The following PCSK2 variants were observed in gnomAD, a reference collection of about 807,000 sequenced individuals.
PCSK2 encodes the protein proprotein convertase subtilisin/kexin type 2.
PCSK2 carries 14 observed loss-of-function variants against 69.7 expected under a neutral mutation model. That is an observed-to-expected ratio of 0.20 (90% CI 0.13 to 0.31). PCSK2 has a LOEUF of 0.31. Among genes scored for constraint, PCSK2 ranks in the 10% least tolerant of loss-of-function variants. The pLI is 1.00. For synonymous variants in PCSK2, 307 were observed against 320.7 expected, an observed-to-expected ratio of 0.96 and a Z score of 0.46; for missense variants, 544 against 842.5, an observed-to-expected ratio of 0.65 and a Z score of 4.39.
At chr20:17,407,851 A>G (rs887096053) in intron 5 of PCSK2, among the ~76,000 whole-genome samples, 1 of 152,122 alleles carries the variant, frequency 6.6e-6, no homozygotes, top group Admixed American at 6.5e-5. Context: ...CATGCTTAAG[A>G]CTCCAGGCAA....
intron 8 of PCSK2, among the ~76,000 whole-genome samples, chr20:17,448,893 CTTT>C (rs11468966): frequency 0.071 from 9,741 of 136,308 alleles, 402 homozygotes; most frequent in East Asian, 0.17. Context: ...ATGCACTTGC[CTTT>C]TTTTTTTTTT....
Position 17,481,672 on chromosome 20 carries a change from G to A in PCSK2, c.1519G>A (p.Val507Ile). Reference protein sequence around the residue: ...KENFVRYLEHVQAVITVNATR... With the variant: ...KENFVRYLEHIQAVITVNATR... ...AAATTTTGTCCGCTACCTGGAGCAT[G>A]TCCAGGCTGTCATCACGGTCAACGC... Residue 507 changes from valine (V) to isoleucine (I), a missense_variant, in exon 12 of 12, where the codon GTC (valine) becomes ATC (isoleucine). Coordinates refer to ENST00000262545, the MANE Select transcript of PCSK2 (RefSeq NM_002594.5). 4 of 1,614,156 alleles carry A rather than the reference G, an allele frequency of 2.5e-6. No homozygotes were observed. The highest frequency in any genetic ancestry group is 1.1e-5 in the South Asian group (1 of 91,086).
intron 5 of PCSK2, among the ~76,000 whole-genome samples, chr20:17,384,425 C>CA (rs11478291): frequency 0.047 from 4,999 of 106,446 alleles, 222 homozygotes; most frequent in African/African-American, 0.12. Context: ...CCATATCTAC[C>CA]AAAAAAAAAA....
chr20:17,273,731 C>T (rs1377145491), intron 2 of PCSK2, among the ~76,000 whole-genome samples: 3 of 152,166 alleles, frequency 2.0e-5, no homozygotes, highest in African/African-American at 7.2e-5. Context: ...GCTGCAGTAA[C>T]AAATTAACTT....
rs770632539 is a variant in PCSK2 at position 17,227,298 on chromosome 20, A to G, written c.-8A>G. Reference sequence around the variant, plus strand: ...CCTCCTAGCACCACTTTTCACTCCCAAAGAAGGATGAAGGGTGGTTGTGTC... The same window carrying G: ...CCTCCTAGCACCACTTTTCACTCCCGAAGAAGGATGAAGGGTGGTTGTGTC... On this transcript the variant is annotated 5_prime_UTR_variant, in exon 1 of 12. Coordinates refer to ENST00000262545, the MANE Select transcript of PCSK2 (RefSeq NM_002594.5). 3 of 1,612,798 alleles carry G rather than the reference A, an allele frequency of 1.9e-6. No individual in the cohort carries two copies. The highest frequency in any genetic ancestry group is 1.8e-4 in the Middle Eastern group (1 of 5,560).
Position 17,227,426 on chromosome 20 carries a change from G to C in PCSK2, c.121G>C (p.Gly41Arg). 6.2e-7 allele frequency: 1 copy of C among 1,613,992 alleles called. No homozygotes were observed. Among genetic ancestry groups the C allele is most frequent in the Non-Finnish European group, 8.5e-7 (1 of 1,179,918 alleles). ...TNHFLVELHK[G>R]GEDKARQVAA... is the part of the protein sequence containing the mutation. ...TCATTTTCTTGTGGAGTTGCATAAA[G>C]GGGGAGAGGACAAAGCTCGCCAAGT... Residue 41 changes from glycine to arginine, a missense_variant, in exon 1 of 12, where the codon GGG becomes CGG. This residue lies in a region of PCSK2 where 157 missense variants were observed against 155.0 expected (regional missense o/e 1.01). Transcript: ENST00000262545.
At chr20:17,379,599 G>A (rs977819944) in intron 5 of PCSK2, among the ~76,000 whole-genome samples, 3 of 152,204 alleles carry the variant, frequency 2.0e-5, no homozygotes, top group Non-Finnish European at 2.9e-5. Context: ...ACAAAGACTT[G>A]ATGGTAGGCA....
intron 5 of PCSK2, among the ~76,000 whole-genome samples, chr20:17,378,521 G>A (rs868098776): frequency 6.6e-6 from 1 of 152,132 alleles, no homozygotes; most frequent in Middle Eastern, 3.4e-3. Context: ...ATGAACCAGC[G>A]GCCTCATTCC....
chr20:17,351,163 T>G (rs2029973756), intron 2 of PCSK2, among the ~76,000 whole-genome samples: 1 of 152,088 alleles, frequency 6.6e-6, no homozygotes. Flanking sequence ...ATAGAGAGAC[T>G]AGAGGTGGGT....
chr20:17,418,744 G>T (rs960992187), intron 6 of PCSK2, among the ~76,000 whole-genome samples: 9 of 152,146 alleles, frequency 5.9e-5, no homozygotes, highest in African/African-American at 1.9e-4. Flanking sequence ...CATCCCACAG[G>T]TTCTTCAGGT....
intron 1 of PCSK2, among the ~76,000 whole-genome samples, chr20:17,244,767 A>G (rs1021128972): frequency 5.3e-5 from 8 of 152,200 alleles, no homozygotes; most frequent in African/African-American, 1.9e-4. Flanking sequence ...CACCCAAGGC[A>G]TCTGTGACTA....
chr20:17,325,448 T>C (rs368906095), intron 2 of PCSK2, among the ~76,000 whole-genome samples: 4 of 152,324 alleles, frequency 2.6e-5, no homozygotes, highest in East Asian at 1.9e-4. Context: ...AATAACCCAA[T>C]GGGGCGTGTG....
chr20:17,466,399 A>G (rs1278374349), intron 11 of PCSK2, among the ~76,000 whole-genome samples: 2 of 152,188 alleles, frequency 1.3e-5, no homozygotes, highest in Non-Finnish European at 2.9e-5. Context: ...GTTCCAGTGT[A>G]TGACTATAAC....
At position 17,373,070 on chromosome 20, in the gene PCSK2, C is replaced by A. The variant is rs140618532; in HGVS notation, c.543+3793C>A. On this transcript the variant is annotated intron_variant, in intron 5 of 11. Coordinates refer to ENST00000262545, the MANE Select transcript of PCSK2 (RefSeq NM_002594.5). ...GGAGGGATGAGCCAGCCTGGTGCCCCTTGAGAGAGAGGTACTTGGTGGAGT... is the reference window on the plus strand; with the variant it reads ...GGAGGGATGAGCCAGCCTGGTGCCCATTGAGAGAGAGGTACTTGGTGGAGT... Among the ~76,000 whole-genome samples the A allele has an allele frequency of 3.4e-4, 51 of 152,210 alleles. No individual in the cohort carries two copies. In the East Asian group the frequency reaches 9.9e-3, roughly 29 times the overall value.
At chr20:17,294,491 A>G (rs955725459) in intron 2 of PCSK2, among the ~76,000 whole-genome samples, 1 of 152,054 alleles carries the variant, frequency 6.6e-6, no homozygotes, top group Non-Finnish European at 1.5e-5. Context: ...GGAATAACCA[A>G]CTTTACTTTA....
At chr20:17,433,785 T>TCTCTCTCTCTCTCTC (rs1555795275) in intron 7 of PCSK2, among the ~76,000 whole-genome samples, 1 of 40,806 alleles carries the variant, frequency 2.5e-5, no homozygotes, top group Non-Finnish European at 6.0e-5. Context: ...CTCCTTTGAT[T>TCTCTCTCTCTCTCTC]TCTCTCTCTC....
At chr20:17,324,918 T>A (rs1009224598) in intron 2 of PCSK2, among the ~76,000 whole-genome samples, 1 of 152,108 alleles carries the variant, frequency 6.6e-6, no homozygotes, top group African/African-American at 2.4e-5. Context: ...CATCCTGAAG[T>A]CCAGCCCTAC....
intron 4 of PCSK2, among the ~76,000 whole-genome samples, chr20:17,368,247 A>G (rs1021274844): frequency 6.6e-6 from 1 of 152,108 alleles, no homozygotes; most frequent in Non-Finnish European, 1.5e-5. Flanking sequence ...TAGTTATTAA[A>G]TGCACCAGCT....
At chr20:17,336,440 G>C (rs1473203208) in intron 2 of PCSK2, among the ~76,000 whole-genome samples, 2 of 152,194 alleles carry the variant, frequency 1.3e-5, no homozygotes, top group Admixed American at 6.5e-5. Flanking sequence ...CCCCAGCACT[G>C]TGCGAATGTC....
Sources: allele counts gnomAD v4.1 joint callset (sites outside exome capture counted in the v4.1 genomes callset), GRCh38; gene constraint gnomAD v4.1.1; regional missense constraint gnomAD v4.1.1; transcripts MANE v1.5; gene names NCBI Gene and HGNC (gene_info 2026-07-23, HGNC 2026-07-21).